The following DMD variants were observed in gnomAD, a reference collection of about 807,000 sequenced individuals.
The protein encoded by DMD is dystrophin, also known as mutant dystrophin.
DMD carries 63 observed loss-of-function variants against 330.1 expected under a neutral mutation model. The observed-to-expected ratio is 0.19, with a 90% CI of 0.16 to 0.24. The LOEUF (loss-of-function observed/expected upper bound fraction) is 0.24. Ranked by LOEUF, DMD falls within the 10% of genes least tolerant of loss-of-function variation. DMD has a pLI of 1.00. For missense variants in DMD, 3,344 were observed against 2,684.1 expected (o/e 1.25, Z -5.43); for synonymous variants, 1,223 against 959.8 (o/e 1.27, Z -5.07).
At chrX:32,115,218 G>A (rs76467496) in intron 44 of DMD, among the ~76,000 whole-genome samples, 9,620 of 110,377 alleles carry the variant, frequency 0.087, 778 homozygotes, top group African/African-American at 0.25. Flanking sequence ...ACCATCTAAG[G>A]GCCTATGACT....
At chrX:32,058,279 T>C (rs1209349065) in intron 44 of DMD, among the ~76,000 whole-genome samples, 7 of 109,665 alleles carry the variant, frequency 6.4e-5, no homozygotes, top group African/African-American at 2.3e-4. Flanking sequence ...AGGGAAACAA[T>C]CAACAGAATT....
Position 32,610,918 on chromosome X carries a change from A to G in DMD, c.1482+3385T>C, listed in dbSNP as rs767495150. Among the ~76,000 whole-genome samples, 206 of 111,120 alleles carry G rather than the reference A, an allele frequency of 1.9e-3. 1 individual carries two copies. Among genetic ancestry groups the G allele is most frequent in the African/African-American group, 6.5e-3 (199 of 30,735 alleles). ...GCAAAGCGATTCAACGACTATATAA[A>G]TAAGGCTTTAGTTTGAACTCAGTTA... On this transcript the variant is annotated intron_variant, in intron 12 of 78. Transcript: ENST00000357033.
chrX:31,394,961 G>GAGAGAGAGAGAGAGAGAGAGAGAGAGAC (rs1569537565), intron 60 of DMD, among the ~76,000 whole-genome samples: 7 of 109,669 alleles, frequency 6.4e-5, no homozygotes, highest in Admixed American at 2.9e-4. Flanking sequence ...GAGAGAGAGA[G>GAGAGAGAGAGAGAGAGAGAGAGAGAGAC]ACCAAGTGTG....
Position 32,497,171 on chromosome X carries a change from T to C in DMD, c.2380+4584A>G, listed in dbSNP as rs143302676. Among the ~76,000 whole-genome samples the C allele has an allele frequency of 1.3e-3, 140 of 111,760 alleles. 1 individual carries two copies. Among genetic ancestry groups the C allele is most frequent in the African/African-American group, 4.4e-3 (135 of 30,814 alleles). On this transcript the variant is annotated intron_variant, in intron 19 of 78. Transcript: ENST00000357033. ...ATTCATGTGAAATTATCTAATGAGC[T>C]ATGAACCAAAATACAAGAAAAAAAG...
chrX:31,545,975 A>T (rs1174467860), intron 55 of DMD, among the ~76,000 whole-genome samples: 1 of 112,209 alleles, frequency 8.9e-6, no homozygotes, highest in African/African-American at 3.2e-5. Context: ...GTCAAGTTAC[A>T]GGAAATTTAT....
chrX:32,457,544 G>T (rs2098365448), intron 25 of DMD, among the ~76,000 whole-genome samples: 1 of 111,042 alleles, frequency 9.0e-6, no homozygotes, highest in African/African-American at 3.3e-5. Flanking sequence ...AAGGGAAAGG[G>T]ATCCAGGTAC....
At chrX:32,620,780 A>G (rs2057930858) in intron 11 of DMD, among the ~76,000 whole-genome samples, 1 of 111,969 alleles carries the variant, frequency 8.9e-6, no homozygotes, top group Admixed American at 9.5e-5. Context: ...TTAGAGACAT[A>G]AATACAAAAA....
chrX:32,279,863 A>G (rs2097407010), intron 43 of DMD, among the ~76,000 whole-genome samples: 1 of 107,297 alleles, frequency 9.3e-6, no homozygotes, highest in Non-Finnish European at 1.9e-5. Context: ...TGAGGGGATG[A>G]ACATCCCATT....
rs140745672 is a variant in DMD at position 31,995,440 on chromosome X, T to G, written c.6439-26926A>C. ...ATTCTATAATGAGCACTTATTACCTTTATAATAAGAAAAAAGAAAATGCAA... is the reference window on the plus strand; with the variant it reads ...ATTCTATAATGAGCACTTATTACCTGTATAATAAGAAAAAAGAAAATGCAA... On this transcript the variant is annotated intron_variant, in intron 44 of 78. Transcript: ENST00000357033. Among the ~76,000 whole-genome samples the G allele has an allele frequency of 4.3e-3, 488 of 112,236 alleles. 5 individuals are homozygous for G. Among genetic ancestry groups the G allele is most frequent in the African/African-American group, 0.015 (460 of 30,991 alleles).
intron 41 of DMD, among the ~76,000 whole-genome samples, chrX:32,331,813 G>A (rs1002117193): frequency 8.9e-6 from 1 of 111,735 alleles, no homozygotes; most frequent in African/African-American, 3.2e-5. Flanking sequence ...GAGGTAATAT[G>A]TTGTATAAAT....
At position 31,627,847 on chromosome X, in the gene DMD, C is replaced by T. The variant is rs1217758879; in HGVS notation, c.8043G>A (p.Glu2681=). The part of the protein sequence containing the change: ...RSIHKRVSER[E]AALEETHRLL... Reference sequence around the variant, plus strand: ...ATCTATGAGTTTCTTCCAAAGCAGCCTCTCGCTCACTCACCCTGCAAAGGA... The same window carrying T: ...ATCTATGAGTTTCTTCCAAAGCAGCTTCTCGCTCACTCACCCTGCAAAGGA... Residue 2681 remains glutamate, a synonymous_variant, in exon 55 of 79, where the codon GAG becomes GAA. Transcript: ENST00000357033. 3.3e-6 allele frequency: 4 copies of T among 1,205,772 alleles called. No homozygotes were observed. Among genetic ancestry groups the T allele is most frequent in the Non-Finnish European group, 4.5e-6 (4 of 893,207 alleles).
At chrX:32,238,722 G>T (rs1210286207) in intron 43 of DMD, among the ~76,000 whole-genome samples, 1 of 111,849 alleles carries the variant, frequency 8.9e-6, no homozygotes, top group Non-Finnish European at 1.9e-5. Context: ...TAAAGGAAGT[G>T]TTCCTTTCTG....
chrX:31,298,855 TA>T (rs905199994), intron 62 of DMD, among the ~76,000 whole-genome samples: 5 of 111,842 alleles, frequency 4.5e-5, no homozygotes, highest in African/African-American at 9.7e-5. Context: ...TTGCAATTTT[TA>T]AAAAAAATTC....
At chrX:31,967,732 A>G (rs1173255671) in intron 45 of DMD, among the ~76,000 whole-genome samples, 1 of 111,759 alleles carries the variant, frequency 8.9e-6, no homozygotes, top group Non-Finnish European at 1.9e-5. Flanking sequence ...AGGCTTTCCA[A>G]CTGCAGCAGC....
At chrX:32,766,405 T>C (rs1474561066) in intron 7 of DMD, among the ~76,000 whole-genome samples, 2 of 111,687 alleles carry the variant, frequency 1.8e-5, no homozygotes, top group Non-Finnish European at 3.8e-5. Context: ...TGTCAGTGTA[T>C]AAGTCTTCCA....
chrX:32,808,804 A>G (rs2077136563), intron 7 of DMD, among the ~76,000 whole-genome samples: 1 of 112,180 alleles, frequency 8.9e-6, no homozygotes, highest in African/African-American at 3.2e-5. Flanking sequence ...TACCATTTCA[A>G]AATTGGCATG....
intron 51 of DMD, among the ~76,000 whole-genome samples, chrX:31,743,343 G>A (rs978559016): frequency 2.7e-5 from 3 of 112,296 alleles, no homozygotes; most frequent in African/African-American, 9.7e-5. Context: ...TCCCATTACT[G>A]GGCATATAGC....
intron 2 of DMD, among the ~76,000 whole-genome samples, chrX:32,890,969 C>T (rs73464885): frequency 8.9e-6 from 1 of 111,981 alleles, no homozygotes; most frequent in African/African-American, 3.2e-5. Context: ...TATCCTCCAA[C>T]CTTAATGATT....
At chrX:31,782,410 C>T (rs759849834) in intron 50 of DMD, among the ~76,000 whole-genome samples, 11 of 111,006 alleles carry the variant, frequency 9.9e-5, no homozygotes, top group Non-Finnish European at 2.1e-4. Context: ...TGAATAATTA[C>T]AGGCAAGTGA....
Sources: allele counts gnomAD v4.1 joint callset (sites outside exome capture counted in the v4.1 genomes callset), GRCh38; gene constraint gnomAD v4.1.1; transcripts MANE v1.5; gene names NCBI Gene and HGNC (gene_info 2026-07-23, HGNC 2026-07-21).